The following CMKLR2 variants were observed in gnomAD, a reference collection of about 807,000 sequenced individuals.
CMKLR2 encodes the protein chemerin chemokine-like receptor 2.
A neutral mutation model predicts 23.0 loss-of-function variants in CMKLR2; 18 were observed. That is an observed-to-expected ratio of 0.78 (90% CI 0.54 to 1.16). The LOEUF (loss-of-function observed/expected upper bound fraction) is 1.16. Ranked by LOEUF, CMKLR2 falls within the 50% of genes most tolerant of loss-of-function variation. The pLI is 0.00. For synonymous variants in CMKLR2, 158 were observed against 158.9 expected (o/e 0.99, Z 0.05); for missense variants, 401 against 412.7 (o/e 0.97, Z 0.25).
intron 1 of CMKLR2, among the ~76,000 whole-genome samples, chr2:206,189,705 A>T (rs1252225538): frequency 6.6e-6 from 1 of 152,160 alleles, no homozygotes; most frequent in Non-Finnish European, 1.5e-5. Flanking sequence ...GAAATTCTCC[A>T]GTAAAAACCA....
chr2:206,184,399 C>T (rs182043355), intron 1 of CMKLR2, among the ~76,000 whole-genome samples: 2 of 151,528 alleles, frequency 1.3e-5, no homozygotes, highest in Non-Finnish European at 2.9e-5. Context: ...CGGTTTCAAG[C>T]GATTCTTCTG....
intron 1 of CMKLR2, among the ~76,000 whole-genome samples, chr2:206,203,172 A>G (rs1239620540): frequency 1.3e-5 from 2 of 150,870 alleles, no homozygotes; most frequent in Non-Finnish European, 3.0e-5. Context: ...AAAAAAAAAA[A>G]AAAAAATTAG....
At chr2:206,187,318 G>A (rs1271290482) in intron 1 of CMKLR2, among the ~76,000 whole-genome samples, 2 of 152,144 alleles carry the variant, frequency 1.3e-5, no homozygotes, top group African/African-American at 2.4e-5. Context: ...TGAAGTAGAA[G>A]TGGGTCAGGT....
intron 1 of CMKLR2, among the ~76,000 whole-genome samples, chr2:206,187,164 TG>T (rs1688606161): frequency 6.6e-6 from 1 of 152,080 alleles, no homozygotes; most frequent in African/African-American, 2.4e-5. Flanking sequence ...CTGGCCAACA[TG>T]GGAAAACCCC....
chr2:206,189,832 T>C (rs953535870), intron 1 of CMKLR2, among the ~76,000 whole-genome samples: 1 of 152,110 alleles, frequency 6.6e-6, no homozygotes, highest in African/African-American at 2.4e-5. Context: ...GGGGTGGTAT[T>C]TGGGACATTG....
chr2:206,210,388 C>T (rs1453880545), intron 1 of CMKLR2, among the ~76,000 whole-genome samples: 1 of 152,076 alleles, frequency 6.6e-6, no homozygotes, highest in Non-Finnish European at 1.5e-5. Context: ...TTTCTTTATC[C>T]AGTCTATTAT....
chr2:206,206,935 T>A (rs905521325), intron 1 of CMKLR2, among the ~76,000 whole-genome samples: 1 of 150,302 alleles, frequency 6.7e-6, no homozygotes, highest in Admixed American at 6.6e-5. Context: ...TTTTTTTTTT[T>A]AATCAAAAGC....
At position 206,176,813 on chromosome 2, in the gene CMKLR2, A is replaced by G; in HGVS notation, c.435T>C (p.Ser145=). 2 of 1,614,190 alleles carry G rather than the reference A, an allele frequency of 1.2e-6. No individual in the cohort carries two copies. The highest frequency in any genetic ancestry group is 2.2e-5 in the East Asian group (1 of 44,888). The part of the protein sequence containing the change: ...HYIHLIHPVL[S]HRHRTLKNSL... ...AGTTCTTGAGGGTTCGATGCCGATG[A>G]GATAAGACAGGATGGATCAAGTGGA... The change falls in exon 2 of 2, where the codon TCT becomes TCC. Residue 145 remains serine (S), a synonymous_variant. Transcript: ENST00000621141.
intron 1 of CMKLR2, among the ~76,000 whole-genome samples, 165 bp downstream of exon 1, chr2:206,213,142 T>C (rs778471365): frequency 3.9e-5 from 6 of 152,232 alleles, no homozygotes; most frequent in Non-Finnish European, 5.9e-5. Flanking sequence ...ACCAAAAATA[T>C]GAATCTGCAG....
chr2:206,205,265 T>G (rs1689268946), intron 1 of CMKLR2, among the ~76,000 whole-genome samples: 1 of 152,238 alleles, frequency 6.6e-6, no homozygotes, highest in Non-Finnish European at 1.5e-5. Context: ...TGTGTGCATA[T>G]TCTTGTAAAT....
Position 206,176,820 on chromosome 2 carries a change from A to G in CMKLR2, c.428T>C (p.Val143Ala). 4 of 1,614,194 alleles carry G rather than the reference A, an allele frequency of 2.5e-6. No individual in the cohort carries two copies. Among genetic ancestry groups the G allele is most frequent in the Non-Finnish European group, 3.4e-6 (4 of 1,180,028 alleles). Reference sequence around the variant, plus strand: ...GAGGGTTCGATGCCGATGAGATAAGACAGGATGGATCAAGTGGATATAGTG... The same window carrying G: ...GAGGGTTCGATGCCGATGAGATAAGGCAGGATGGATCAAGTGGATATAGTG... ...LDHYIHLIHP[V>A]LSHRHRTLKN... Residue 143 changes from valine (V) to alanine (A), a missense_variant, in exon 2 of 2, where the codon GTC becomes GCC. Transcript: ENST00000621141.
chr2:206,215,796 G>C (rs1165949954), upstream of CMKLR2, among the ~76,000 whole-genome samples: 2 of 152,188 alleles, frequency 1.3e-5, no homozygotes. Flanking sequence ...CCACCTCTGA[G>C]CATTAAGGGT....
At chr2:206,217,456 T>G (rs186129954), upstream of CMKLR2, 2 of 152,286 alleles carry the variant, frequency 1.3e-5, no homozygotes, top group East Asian at 3.9e-4. Flanking sequence ...AGAGAATTCT[T>G]AAAGGCTTCT....
intron 1 of CMKLR2, among the ~76,000 whole-genome samples, chr2:206,212,527 C>T (rs1689606689): frequency 1.3e-5 from 2 of 152,130 alleles, no homozygotes; most frequent in Non-Finnish European, 1.5e-5. Flanking sequence ...TGTTATCAAA[C>T]TTGATTTGGT....
chr2:206,217,470 T>A (rs575469236), upstream of CMKLR2: 1 of 152,210 alleles, frequency 6.6e-6, no homozygotes, highest in Non-Finnish European at 1.5e-5. Flanking sequence ...GGCTTCTAAA[T>A]GAGGACGAAG....
intron 1 of CMKLR2, among the ~76,000 whole-genome samples, chr2:206,184,161 A>G (rs1688500394): frequency 6.6e-6 from 1 of 152,036 alleles, no homozygotes; most frequent in Non-Finnish European, 1.5e-5. Context: ...ACATCTTCAC[A>G]TAGCATTCTC....
chr2:206,180,683 C>T (rs1688380676), intron 1 of CMKLR2, among the ~76,000 whole-genome samples: 1 of 151,426 alleles, frequency 6.6e-6, no homozygotes, highest in Admixed American at 6.6e-5. Flanking sequence ...ATTCTCTTGC[C>T]TCAGCCTCCC....
intron 1 of CMKLR2, among the ~76,000 whole-genome samples, chr2:206,199,082 C>A (rs1035274560): frequency 3.3e-5 from 5 of 152,162 alleles, no homozygotes; most frequent in Non-Finnish European, 1.5e-5. Flanking sequence ...ACCCCCTTTT[C>A]TTTTCTCCTC....
At chr2:206,205,456 G>A (rs2105834938) in intron 1 of CMKLR2, among the ~76,000 whole-genome samples, 1 of 152,070 alleles carries the variant, frequency 6.6e-6, no homozygotes, top group East Asian at 1.9e-4. Context: ...TCGAACTCCT[G>A]GGTTCAAGTG....
Sources: gnomAD v4.1 joint callset for allele counts (sites outside exome capture counted in the v4.1 genomes callset) on GRCh38, gnomAD v4.1.1 for gene constraint, MANE v1.5 for transcripts, NCBI Gene and HGNC (gene_info 2026-07-23, HGNC 2026-07-21) for gene names.